NXPH1: variants seen among roughly 807,000 people sequenced by gnomAD.
NXPH1 encodes the protein neurexophilin-1.
Under a neutral mutation model 23.7 loss-of-function variants are expected in NXPH1, and 5 were observed. That is an observed-to-expected ratio of 0.21 (90% confidence interval 0.11 to 0.44). The LOEUF (loss-of-function observed/expected upper bound fraction) is 0.44. Among genes scored for constraint, NXPH1 ranks in the 20% least tolerant of loss-of-function variants. The pLI is 0.99. For missense variants in NXPH1, 324 were observed against 321.6 expected, an observed-to-expected ratio of 1.01 and a Z score of -0.06; for synonymous variants, 144 against 122.2, an observed-to-expected ratio of 1.18 and a Z score of -1.18.
intron 2 of NXPH1, among the ~76,000 whole-genome samples, chr7:8,656,624 T>A (rs967210194): frequency 2.0e-5 from 3 of 151,926 alleles, no homozygotes; most frequent in Non-Finnish European, 4.4e-5. Context: ...ACATGTGTCA[T>A]GCTGGTGCGC....
chr7:8,667,515 A>G (rs1031533521), intron 2 of NXPH1, among the ~76,000 whole-genome samples: 33 of 148,426 alleles, frequency 2.2e-4, no homozygotes, highest in African/African-American at 8.2e-4. Context: ...TCCATTATCT[A>G]TTGGCCTTTA....
At chr7:8,584,453 A>T (rs1229414436) in intron 2 of NXPH1, among the ~76,000 whole-genome samples, 1 of 152,216 alleles carries the variant, frequency 6.6e-6, no homozygotes, top group Non-Finnish European at 1.5e-5. Context: ...TTTATTATAT[A>T]TAAGCTATTT....
At chr7:8,610,972 C>A (rs896912464) in intron 2 of NXPH1, among the ~76,000 whole-genome samples, 2 of 152,130 alleles carry the variant, frequency 1.3e-5, no homozygotes, top group African/African-American at 4.8e-5. Flanking sequence ...CAGCACTTAA[C>A]TTGAGTCACA....
chr7:8,658,038 T>C (rs558028161), intron 2 of NXPH1, among the ~76,000 whole-genome samples: 1 of 152,078 alleles, frequency 6.6e-6, no homozygotes, highest in Non-Finnish European at 1.5e-5. Flanking sequence ...AACAAATAAA[T>C]AAATAAAAAT....
At chr7:8,616,523 T>G (rs1819741743) in intron 2 of NXPH1, among the ~76,000 whole-genome samples, 1 of 152,050 alleles carries the variant, frequency 6.6e-6, no homozygotes, top group Non-Finnish European at 1.5e-5. Flanking sequence ...CAACTCCAAG[T>G]ATAGTGCCTT....
chr7:8,732,150 C>T (rs973836272), intron 2 of NXPH1, among the ~76,000 whole-genome samples: 1 of 152,232 alleles, frequency 6.6e-6, no homozygotes, highest in Admixed American at 6.5e-5. Flanking sequence ...AAGGGAACTC[C>T]CTGACCCCTT....
chr7:8,748,433 C>T (rs1780508577), intron 2 of NXPH1, among the ~76,000 whole-genome samples: 1 of 152,204 alleles, frequency 6.6e-6, no homozygotes, highest in South Asian at 2.1e-4. Flanking sequence ...CGTCTGATAG[C>T]CCCATTTGAC....
chr7:8,531,131 A>G (rs766865164), intron 2 of NXPH1, among the ~76,000 whole-genome samples: 3 of 152,188 alleles, frequency 2.0e-5, no homozygotes, highest in Admixed American at 6.5e-5. Flanking sequence ...TGGCAAGTGG[A>G]GATAATAATA....
intron 2 of NXPH1, among the ~76,000 whole-genome samples, chr7:8,555,338 T>C (rs770963891): frequency 6.6e-6 from 1 of 151,700 alleles, no homozygotes; most frequent in Non-Finnish European, 1.5e-5. Context: ...GTCTCTTTGA[T>C]GGATGTGTAA....
intron 2 of NXPH1, among the ~76,000 whole-genome samples, chr7:8,649,354 CT>C (rs1222254879): frequency 6.6e-6 from 1 of 151,810 alleles, no homozygotes; most frequent in Non-Finnish European, 1.5e-5. Flanking sequence ...TTTTGTTTTA[CT>C]TTTTCCATTT....
At chr7:8,743,672 C>G (rs1013893880) in intron 2 of NXPH1, among the ~76,000 whole-genome samples, 2 of 147,944 alleles carry the variant, frequency 1.4e-5, no homozygotes, top group Non-Finnish European at 3.0e-5. Context: ...AGTGTGGCAA[C>G]TCTTTTTTTT....
chr7:8,728,469 G>A (rs1266375408), intron 2 of NXPH1, among the ~76,000 whole-genome samples: 3 of 152,184 alleles, frequency 2.0e-5, no homozygotes, highest in Non-Finnish European at 2.9e-5. Context: ...GATATTGGCT[G>A]TGGGTTTGTC....
chr7:8,531,541 C>T (rs570076048), intron 2 of NXPH1, among the ~76,000 whole-genome samples: 32 of 152,234 alleles, frequency 2.1e-4, no homozygotes, highest in Non-Finnish European at 3.8e-4. Context: ...CTCTATCTTG[C>T]CTTATTTTCC....
At chr7:8,737,034 G>A (rs893601002) in intron 2 of NXPH1, among the ~76,000 whole-genome samples, 2 of 151,690 alleles carry the variant, frequency 1.3e-5, no homozygotes, top group African/African-American at 2.4e-5. Context: ...GTGTTTGCAT[G>A]TCAGATGGGT....
chr7:8,596,293 G>T (rs1368784802), intron 2 of NXPH1, among the ~76,000 whole-genome samples: 1 of 152,012 alleles, frequency 6.6e-6, no homozygotes, highest in African/African-American at 2.4e-5. Context: ...CATTGGTACA[G>T]AAATAAAACC....
intron 2 of NXPH1, among the ~76,000 whole-genome samples, chr7:8,655,481 C>CACACACAT (rs1362671125): frequency 3.0e-4 from 37 of 122,440 alleles, no homozygotes; most frequent in African/African-American, 1.1e-3. Flanking sequence ...CACACACACA[C>CACACACAT]ATCAGATATG....
At chr7:8,568,474 T>A (rs1365485721) in intron 2 of NXPH1, among the ~76,000 whole-genome samples, 1 of 151,824 alleles carries the variant, frequency 6.6e-6, no homozygotes, top group African/African-American at 2.4e-5. Flanking sequence ...GTATGTAAAC[T>A]ATGTTAATGC....
intron 2 of NXPH1, among the ~76,000 whole-genome samples, chr7:8,616,455 C>A (rs1235458521): frequency 6.6e-6 from 1 of 151,966 alleles, no homozygotes; most frequent in African/African-American, 2.4e-5. Flanking sequence ...CTCGTCATCT[C>A]GACTCAACTT....
intron 2 of NXPH1, among the ~76,000 whole-genome samples, chr7:8,462,512 A>C (rs1214878584): frequency 6.6e-6 from 1 of 152,240 alleles, no homozygotes; most frequent in Non-Finnish European, 1.5e-5. Context: ...GAGGTCAAAT[A>C]GCTTCCCACA....
Sources: allele counts gnomAD v4.1 joint callset (sites outside exome capture counted in the v4.1 genomes callset), GRCh38; gene constraint gnomAD v4.1.1; transcripts MANE v1.5; gene names NCBI Gene and HGNC (gene_info 2026-07-23, HGNC 2026-07-21).